The following ATRX variants were observed in gnomAD, a reference collection of about 807,000 sequenced individuals.
The protein encoded by ATRX is chromatin remodeler ATRX.
In ATRX, 12 loss-of-function variants were observed where a neutral mutation model predicts 172.6. The observed-to-expected ratio is 0.07, with a 90% confidence interval of 0.04 to 0.11. ATRX has a LOEUF of 0.11. ATRX is among the 10% of genes least tolerant of loss of function. The pLI, the probability that ATRX is intolerant of heterozygous loss-of-function variation, is 1.00. For synonymous variants in ATRX, 674 were observed against 594.7 expected (o/e 1.13, Z -1.94); for missense variants, 1,368 against 1,767.4 (o/e 0.77, Z 4.05).
chrX:77,654,056 G>A (rs782699377), intron 14 of ATRX, 42 bp downstream of exon 14: 1 of 1,054,402 alleles, frequency 9.5e-7, no homozygotes, highest in Non-Finnish European at 1.3e-6. Context: ...ATAGTCTACT[G>A]TACTGGTTAT....
chrX:77,563,870 C>T (rs998761498), intron 28 of ATRX, among the ~76,000 whole-genome samples: 6 of 108,717 alleles, frequency 5.5e-5, no homozygotes, highest in Middle Eastern at 4.7e-3. Flanking sequence ...CCTGAAAATC[C>T]GGGGGTAGGG....
intron 30 of ATRX, among the ~76,000 whole-genome samples, chrX:77,548,436 A>G (rs782517055): frequency 8.9e-6 from 1 of 111,796 alleles, no homozygotes; most frequent in Non-Finnish European, 1.9e-5. Context: ...GAAGTAGGAG[A>G]CAATGACATC....
At chrX:77,546,988 G>A in intron 30 of ATRX, among the ~76,000 whole-genome samples, 1 of 111,977 alleles carries the variant, frequency 8.9e-6, no homozygotes. Flanking sequence ...ATTGGGGATA[G>A]AGTGATGAAG....
intron 28 of ATRX, among the ~76,000 whole-genome samples, chrX:77,573,552 T>A (rs782774319): frequency 8.9e-6 from 1 of 111,804 alleles, no homozygotes; most frequent in African/African-American, 3.2e-5. Context: ...AATAAGCACA[T>A]GAAAAGATGC....
Position 77,654,252 on chromosome X carries a change from A to G in ATRX, c.4215-52T>C, listed in dbSNP as rs782373452. 8.9e-6 allele frequency: 9 copies of G among 1,013,205 alleles called. No homozygotes were observed. The Admixed American group carries it at 2.0e-4, about 22-fold the overall frequency. The allele number at this position is 1,013,205 out of a possible 1,213,427, so 83.5% of individuals were successfully genotyped here. A position where few individuals can be genotyped will look rare whatever the true frequency, so the allele number is the denominator to read the frequency against. On this transcript the variant is annotated intron_variant, in intron 13 of 34. Transcript: ENST00000373344. ...AAATATTTCATGATAAACTTCCATC[A>G]ATAAGTTATGTACTATTTTAAAACT...
rs1557207723 is a variant in ATRX at position 77,786,044 on chromosome X, G to A, written c.-43C>T. 2 of 1,165,120 alleles carry A rather than the reference G, an allele frequency of 1.7e-6. No homozygotes were observed. The highest frequency in any genetic ancestry group is 2.5e-5 in the Admixed American group (1 of 40,483). On this transcript the variant is annotated 5_prime_UTR_variant, in exon 1 of 35. Transcript: ENST00000373344. ...TTGTCGGCTTCTGTGATTGCTGGGC[G>A]CCGATCTGCGCTCCCCCGCGCCCGG...
intron 2 of ATRX, among the ~76,000 whole-genome samples, chrX:77,709,529 A>T (rs1212588315): frequency 5.4e-5 from 6 of 110,934 alleles, no homozygotes. Context: ...AACCCCAGTG[A>T]TGCTACCTTA....
At chrX:77,723,268 C>T (rs1367281757) in intron 1 of ATRX, among the ~76,000 whole-genome samples, 1 of 110,800 alleles carries the variant, frequency 9.0e-6, no homozygotes, top group Non-Finnish European at 1.9e-5. Flanking sequence ...CACCATGGCA[C>T]GTGTATAGAT....
chrX:77,733,509 T>C (rs2074388311), intron 1 of ATRX, among the ~76,000 whole-genome samples: 1 of 109,756 alleles, frequency 9.1e-6, no homozygotes, highest in Admixed American at 9.8e-5. Flanking sequence ...ACATCTACGG[T>C]GAACTCATTT....
At chrX:77,555,157 A>G (rs1176516485) in intron 30 of ATRX, among the ~76,000 whole-genome samples, 4 of 111,373 alleles carry the variant, frequency 3.6e-5, no homozygotes, top group Non-Finnish European at 7.5e-5. Flanking sequence ...GTTCACAATG[A>G]GATGCCATCT....
chrX:77,570,033 C>T (rs2065352982), intron 28 of ATRX, among the ~76,000 whole-genome samples: 1 of 111,541 alleles, frequency 9.0e-6, no homozygotes, highest in Admixed American at 9.5e-5. Flanking sequence ...CTACAGTAAT[C>T]AAGACTATGT....
chrX:77,607,620 A>G (rs2148196713), intron 22 of ATRX, among the ~76,000 whole-genome samples: 1 of 105,849 alleles, frequency 9.4e-6, no homozygotes, highest in South Asian at 4.5e-4. Context: ...AGGCTGAGGC[A>G]TGAGAATCAC....
chrX:77,766,423 A>C (rs782242801), intron 1 of ATRX, among the ~76,000 whole-genome samples: 1 of 108,814 alleles, frequency 9.2e-6, no homozygotes. Context: ...CACTTCTCAG[A>C]CGGGGCGGCT....
At chrX:77,523,611 G>A (rs782225909) in intron 30 of ATRX, among the ~76,000 whole-genome samples, 11 of 111,645 alleles carry the variant, frequency 9.9e-5, no homozygotes, top group Admixed American at 4.8e-4. Flanking sequence ...GTATGGTTTA[G>A]GCATTCCATT....
intron 2 of ATRX, among the ~76,000 whole-genome samples, chrX:77,713,418 C>G (rs1291802650): frequency 9.0e-6 from 1 of 110,938 alleles, no homozygotes; most frequent in East Asian, 2.8e-4. Context: ...TAAAAGGAAT[C>G]AGAACTCTTG....
chrX:77,672,776 A>C (rs1438364124), intron 10 of ATRX, among the ~76,000 whole-genome samples: 6 of 111,037 alleles, frequency 5.4e-5, no homozygotes, highest in Non-Finnish European at 9.5e-5. Context: ...CATTTCAACA[A>C]TAAAGTAAAT....
intron 1 of ATRX, among the ~76,000 whole-genome samples, chrX:77,734,408 A>C (rs1232015086): frequency 2.7e-5 from 3 of 110,190 alleles, no homozygotes; most frequent in Non-Finnish European, 5.7e-5. Context: ...ATGAAATGAG[A>C]CTCTGTCTCA....
intron 1 of ATRX, among the ~76,000 whole-genome samples, chrX:77,764,913 G>A (rs1557194624): frequency 8.9e-6 from 1 of 112,057 alleles, no homozygotes. Context: ...GCAGGGTGCG[G>A]TGGCTCATGC....
chrX:77,729,433 T>C (rs1272960135), intron 1 of ATRX, among the ~76,000 whole-genome samples: 2 of 112,320 alleles, frequency 1.8e-5, no homozygotes, highest in Non-Finnish European at 3.8e-5. Flanking sequence ...TGGTACATAA[T>C]ACACTCATTG....
Sources: gnomAD v4.1 joint callset for allele counts (sites outside exome capture counted in the v4.1 genomes callset) on GRCh38, gnomAD v4.1.1 for gene constraint, MANE v1.5 for transcripts, NCBI Gene and HGNC (gene_info 2026-07-23, HGNC 2026-07-21) for gene names.